Variants in MICU1 observed in about 807,000 individuals in gnomAD.
MICU1 encodes mitochondrial calcium uptake 1, also known as calcium uptake protein 1, mitochondrial.
A neutral mutation model predicts 56.8 loss-of-function variants in MICU1; 45 were observed. The observed-to-expected ratio is 0.79, with a 90% CI of 0.62 to 1.02. The LOEUF (loss-of-function observed/expected upper bound fraction) is 1.02. MICU1 is among the 50% of genes least tolerant of loss of function. The pLI, the probability that MICU1 is intolerant of heterozygous loss-of-function variation, is 0.00. For synonymous variants in MICU1, 186 were observed against 195.1 expected (o/e 0.95, Z 0.39); for missense variants, 504 against 587.1 (o/e 0.86, Z 1.46).
intron 11 of MICU1, among the ~76,000 whole-genome samples, chr10:72,374,042 C>T (rs986061332): frequency 1.3e-5 from 2 of 152,190 alleles, no homozygotes; most frequent in African/African-American, 4.8e-5. Flanking sequence ...AGAGTGAGGC[C>T]ATCTCTTTAA....
intron 4 of MICU1, among the ~76,000 whole-genome samples, chr10:72,550,354 T>A (rs1450936338): frequency 6.6e-6 from 1 of 152,238 alleles, no homozygotes; most frequent in Non-Finnish European, 1.5e-5. Context: ...ATAGTCTAGA[T>A]GTGTAGTAGG....
At chr10:72,511,152 C>T (rs940620397) in intron 5 of MICU1, among the ~76,000 whole-genome samples, 2 of 152,120 alleles carry the variant, frequency 1.3e-5, no homozygotes, top group African/African-American at 4.8e-5. Context: ...ACCATTTAAC[C>T]ACACAGTACG....
intron 1 of MICU1, among the ~76,000 whole-genome samples, chr10:72,588,146 G>A (rs1841116358): frequency 6.6e-6 from 1 of 152,084 alleles, no homozygotes; most frequent in Non-Finnish European, 1.5e-5. Context: ...GTTTAAAAGT[G>A]TGTAGTACTT....
intron 8 of MICU1, among the ~76,000 whole-genome samples, chr10:72,442,947 G>A (rs1306262356): frequency 6.6e-6 from 1 of 152,048 alleles, no homozygotes; most frequent in South Asian, 2.1e-4. Flanking sequence ...GGTAGAGATG[G>A]TGTTTCGTCA....
intron 9 of MICU1, among the ~76,000 whole-genome samples, chr10:72,419,877 G>A (rs1007266916): frequency 3.3e-5 from 5 of 152,054 alleles, no homozygotes; most frequent in East Asian, 1.9e-4. Context: ...CCCAAATCTC[G>A]AATTGTAGCT....
intron 10 of MICU1, among the ~76,000 whole-genome samples, chr10:72,382,532 T>G (rs1448009612): frequency 1.3e-5 from 2 of 152,210 alleles, no homozygotes; most frequent in East Asian, 1.9e-4. Flanking sequence ...AAGGCCTGAT[T>G]AGAGAGTTAG....
chr10:72,588,573 C>T (rs1180617794), intron 1 of MICU1, among the ~76,000 whole-genome samples: 2 of 152,108 alleles, frequency 1.3e-5, no homozygotes, highest in Non-Finnish European at 2.9e-5. Context: ...TGTAGTTAGA[C>T]AACAAAACTC....
chr10:72,413,672 T>G (rs1464577088), intron 9 of MICU1, among the ~76,000 whole-genome samples: 2 of 152,034 alleles, frequency 1.3e-5, no homozygotes, highest in Non-Finnish European at 2.9e-5. Context: ...AGGCAGAGGT[T>G]CAAGTGAGCT....
chr10:72,381,671 C>T (rs1862707487), intron 10 of MICU1, among the ~76,000 whole-genome samples: 1 of 152,140 alleles, frequency 6.6e-6, no homozygotes, highest in African/African-American at 2.4e-5. Flanking sequence ...CTAATCCTAG[C>T]TCCTAACTTC....
chr10:72,476,453 T>C (rs1432821642), intron 7 of MICU1, among the ~76,000 whole-genome samples: 1 of 152,024 alleles, frequency 6.6e-6, no homozygotes, highest in Non-Finnish European at 1.5e-5. Context: ...GGTTTCAAAC[T>C]AGCCTCAAGT....
intron 4 of MICU1, among the ~76,000 whole-genome samples, chr10:72,549,309 G>A (rs530225833): frequency 1.3e-5 from 2 of 148,840 alleles, no homozygotes; most frequent in African/African-American, 2.5e-5. Flanking sequence ...TCCCACCTCC[G>A]CCTCCCAAGT....
chr10:72,445,289 C>T lies in MICU1; in HGVS notation c.934-21918G>A, dbSNP rs572142066. On this transcript the variant is annotated intron_variant, in intron 8 of 11. Transcript: ENST00000361114. ...TCAAGTGAAAACCAAAAAATCTTAT[C>T]GGTAAGGTTGCCTTTCTTCTGTCAC... Among the ~76,000 whole-genome samples the T allele has an allele frequency of 5.3e-5, 8 of 152,242 alleles. No homozygotes were observed. The South Asian group carries it at 1.2e-3, about 24-fold the overall frequency.
At chr10:72,464,397 T>G (rs2132244523) in intron 8 of MICU1, among the ~76,000 whole-genome samples, 1 of 151,604 alleles carries the variant, frequency 6.6e-6, no homozygotes, top group African/African-American at 2.4e-5. Context: ...CACATACGTA[T>G]ACACATTAGG....
intron 6 of MICU1, among the ~76,000 whole-genome samples, chr10:72,480,666 G>C (rs1018995465): frequency 2.0e-5 from 3 of 152,224 alleles, no homozygotes; most frequent in Non-Finnish European, 4.4e-5. Context: ...CATTTGATAA[G>C]AGCGAAGTCA....
chr10:72,573,323 A>AAC (rs1840660001), intron 1 of MICU1, among the ~76,000 whole-genome samples: 3 of 147,114 alleles, frequency 2.0e-5, no homozygotes, highest in Admixed American at 6.7e-5. Context: ...AAAAAAAAAA[A>AAC]AAAAAAAAAA....
At chr10:72,498,551 A>C (rs1341038626) in intron 6 of MICU1, among the ~76,000 whole-genome samples, 1 of 152,070 alleles carries the variant, frequency 6.6e-6, no homozygotes, top group Non-Finnish European at 1.5e-5. Context: ...GCGCCATTGC[A>C]CTCCAGCCTC....
At chr10:72,478,644 C>A (rs1866195343) in intron 6 of MICU1, among the ~76,000 whole-genome samples, 1 of 152,192 alleles carries the variant, frequency 6.6e-6, no homozygotes. Context: ...CCATCCTGCT[C>A]ATGAATTTGT....
At chr10:72,383,659 TA>T (rs1268310615) in intron 10 of MICU1, among the ~76,000 whole-genome samples, 2 of 152,216 alleles carry the variant, frequency 1.3e-5, no homozygotes, top group Non-Finnish European at 2.9e-5. Flanking sequence ...CCCTTCTCTT[TA>T]AAAAATTATT....
intron 5 of MICU1, chr10:72,528,769 AT>A: frequency 4.4e-6 from 1 of 226,388 alleles, no homozygotes; most frequent in South Asian, 4.3e-5. Context: ...CTAGGGTCTT[AT>A]TTTATCTGAG....
Sources: gnomAD v4.1 joint callset for allele counts (sites outside exome capture counted in the v4.1 genomes callset) on GRCh38, gnomAD v4.1.1 for gene constraint, MANE v1.5 for transcripts, NCBI Gene and HGNC (gene_info 2026-07-23, HGNC 2026-07-21) for gene names.